The following ATL2 variants were observed in gnomAD, a reference collection of about 807,000 sequenced individuals.
The protein encoded by ATL2 is atlastin GTPase 2.
ATL2 carries 31 observed loss-of-function variants against 73.9 expected under a neutral mutation model. That is an observed-to-expected ratio of 0.42 (90% CI 0.32 to 0.57). The LOEUF is 0.57. Ranked by LOEUF, ATL2 falls within the 20% of genes least tolerant of loss-of-function variation. The pLI is 0.14. For missense variants in ATL2, 738 were observed against 702.6 expected, an observed-to-expected ratio of 1.05 and a Z score of -0.57; for synonymous variants, 291 against 237.5, an observed-to-expected ratio of 1.23 and a Z score of -2.07.
chr2:38,350,778 A>T (rs1670293577), intron 1 of ATL2, among the ~76,000 whole-genome samples: 2 of 152,142 alleles, frequency 1.3e-5, no homozygotes, highest in Non-Finnish European at 2.9e-5. Flanking sequence ...AAAAAACCAA[A>T]AAAGTCTATT....
At chr2:38,318,782 T>G in intron 3 of ATL2, 103 bp downstream of exon 3, 1 of 1,413,964 alleles carries the variant, frequency 7.1e-7, no homozygotes, top group Non-Finnish European at 9.7e-7. Flanking sequence ...AATCCGTATG[T>G]TAAAGTTATC....
chr2:38,343,093 A>T (rs1669817744), intron 2 of ATL2, among the ~76,000 whole-genome samples, 175 bp downstream of exon 2: 1 of 140,484 alleles, frequency 7.1e-6, no homozygotes, highest in Non-Finnish European at 1.5e-5. Flanking sequence ...GGCTGCAGTG[A>T]GCCGTGATCA....
At chr2:38,348,703 A>C (rs1488563085) in intron 1 of ATL2, among the ~76,000 whole-genome samples, 1 of 151,880 alleles carries the variant, frequency 6.6e-6, no homozygotes, top group East Asian at 1.9e-4. Context: ...GCTTCTGCAC[A>C]GCAAAAGAAA....
upstream of ATL2, chr2:38,377,371 T>G: frequency 2.4e-6 from 2 of 820,196 alleles, no homozygotes; most frequent in Admixed American, 3.0e-5. Context: ...GCTCTCCGCC[T>G]GTATCTCCTC....
At chr2:38,354,382 G>C (rs1302937120) in intron 1 of ATL2, among the ~76,000 whole-genome samples, 5 of 152,040 alleles carry the variant, frequency 3.3e-5, no homozygotes, top group African/African-American at 9.7e-5. Flanking sequence ...AAAGATAATT[G>C]ATCAATGTGG....
intron 2 of ATL2, among the ~76,000 whole-genome samples, chr2:38,325,699 TACAC>T (rs1221635411): frequency 0.033 from 368 of 11,180 alleles, 22 homozygotes; most frequent in Middle Eastern, 0.056. Context: ...CACACACCAG[TACAC>T]ACACACACAC....
intron 2 of ATL2, among the ~76,000 whole-genome samples, chr2:38,333,611 G>T (rs919467945): frequency 2.0e-5 from 3 of 152,138 alleles, no homozygotes; most frequent in African/African-American, 7.2e-5. Context: ...AATGAAAAAA[G>T]ATCTGTAATT....
At chr2:38,354,260 T>G (rs2124446026) in intron 1 of ATL2, 1 of 312,372 alleles carries the variant, frequency 3.2e-6, no homozygotes, top group East Asian at 1.4e-4. Context: ...CAGGCTGAAA[T>G]GAAACATTAT....
rs377081118 is a variant in ATL2 at position 38,319,414 on chromosome 2, C to A, written c.364-395G>T. Among the ~76,000 whole-genome samples, 215 of 152,122 alleles carry A rather than the reference C, an allele frequency of 1.4e-3. 2 individuals carry two copies. The highest frequency in any genetic ancestry group is 0.01 in the Middle Eastern group (3 of 294). ...AGGAATTTGAGACCAGCCTGGCCAACGTGGCAAAACGCCATCTTTACAAAA... is the reference window on the plus strand; with the variant it reads ...AGGAATTTGAGACCAGCCTGGCCAAAGTGGCAAAACGCCATCTTTACAAAA... On this transcript the variant is annotated intron_variant, in intron 2 of 12. Coordinates refer to ENST00000378954, the MANE Select transcript of ATL2 (RefSeq NM_001135673.4).
Position 38,369,955 on chromosome 2 carries a change from T to C in ATL2, c.118+7188A>G, listed in dbSNP as rs1192621241. 3.2e-4 allele frequency among the ~76,000 whole-genome samples: 47 copies of C among 145,166 alleles called. 1 individual carries two copies. Among genetic ancestry groups the C allele is most frequent in the African/African-American group, 1.2e-3 (46 of 38,778 alleles). On this transcript the variant is annotated intron_variant, in intron 1 of 12. Transcript: ENST00000378954. ...TCACGAGGTCAGGAGATTGAGACCA[T>C]CCTGGCTAACACGGTGAAACCCCGT...
At chr2:38,368,701 A>G (rs538716335) in intron 1 of ATL2, among the ~76,000 whole-genome samples, 1 of 152,384 alleles carries the variant, frequency 6.6e-6, no homozygotes, top group Non-Finnish European at 1.5e-5. Flanking sequence ...TTAAAAAGCA[A>G]ATATGAAAAA....
chr2:38,310,622 G>C (rs1039999345), intron 7 of ATL2, among the ~76,000 whole-genome samples, 175 bp from the exon 8 acceptor site: 11 of 142,910 alleles, frequency 7.7e-5, no homozygotes, highest in African/African-American at 2.9e-4. Flanking sequence ...ACTTTGTTAA[G>C]ACCCCACTTT....
chr2:38,351,933 G>A (rs959927050), intron 1 of ATL2, among the ~76,000 whole-genome samples: 11 of 151,712 alleles, frequency 7.3e-5, no homozygotes, highest in African/African-American at 1.9e-4. Context: ...CCAACATGAT[G>A]AAACTCTGTC....
intron 2 of ATL2, among the ~76,000 whole-genome samples, chr2:38,327,853 T>C (rs1050458563): frequency 3.9e-5 from 6 of 152,094 alleles, no homozygotes; most frequent in Non-Finnish European, 2.9e-5. Context: ...GAAGAACCAT[T>C]TGAATCAGAG....
chr2:38,331,405 C>T (rs1204294606), intron 2 of ATL2, among the ~76,000 whole-genome samples: 1 of 145,344 alleles, frequency 6.9e-6, no homozygotes, highest in Non-Finnish European at 1.5e-5. Flanking sequence ...CACTGCACTC[C>T]AGCCTAGCAA....
chr2:38,299,678 A>G (rs1667084894), intron 10 of ATL2, among the ~76,000 whole-genome samples: 1 of 152,324 alleles, frequency 6.6e-6, no homozygotes, highest in Admixed American at 6.5e-5. Context: ...TCTCTCTCAT[A>G]ATCAGTATTA....
intron 2 of ATL2, among the ~76,000 whole-genome samples, chr2:38,321,065 G>C (rs1190033151): frequency 6.6e-6 from 1 of 152,128 alleles, no homozygotes; most frequent in Non-Finnish European, 1.5e-5. Context: ...TGAGGGAGGA[G>C]AATCGCTTGA....
chr2:38,309,286 TAAAA>T, intron 9 of ATL2, 89 bp downstream of exon 9: 2 of 1,258,394 alleles, frequency 1.6e-6, no homozygotes, highest in Admixed American at 2.7e-5. Flanking sequence ...TTTTTTGTTT[TAAAA>T]TAAAGACAAG....
intron 8 of ATL2, among the ~76,000 whole-genome samples, chr2:38,310,019 T>G (rs1336866942): frequency 1.3e-5 from 2 of 152,090 alleles, no homozygotes; most frequent in African/African-American, 4.8e-5. Context: ...ATAAAGCCTT[T>G]TAGCAGACTG....
Sources: gnomAD v4.1 joint callset for allele counts (sites outside exome capture counted in the v4.1 genomes callset) on GRCh38, gnomAD v4.1.1 for gene constraint, MANE v1.5 for transcripts, NCBI Gene and HGNC (gene_info 2026-07-23, HGNC 2026-07-21) for gene names.